The following PTCH1 variants were observed in gnomAD, a reference collection of about 807,000 sequenced individuals.
PTCH1 encodes the protein patched 1, also known as protein patched homolog 1.
A neutral mutation model predicts 144.6 loss-of-function variants in PTCH1; 14 were observed. The ratio of observed to expected loss-of-function variants is 0.10; its 90% CI spans 0.06 to 0.15. The LOEUF (loss-of-function observed/expected upper bound fraction) is 0.15, where lower values mean the gene tolerates loss of function less well. PTCH1 is among the 10% of genes least tolerant of loss of function. The pLI is 1.00. For synonymous variants in PTCH1, 833 were observed against 793.6 expected (o/e 1.05, Z -0.83); for missense variants, 1,623 against 1,948.3 (o/e 0.83, Z 3.14).
At chr9:95,457,160 G>A (rs1229984486) in intron 18 of PTCH1, among the ~76,000 whole-genome samples, 1 of 151,630 alleles carries the variant, frequency 6.6e-6, no homozygotes, top group South Asian at 2.1e-4. Context: ...GGAGTTTCTT[G>A]GTCCAAAGCG....
intron 2 of PTCH1, among the ~76,000 whole-genome samples, chr9:95,487,746 T>C (rs1332046936): frequency 6.6e-6 from 1 of 152,214 alleles, no homozygotes; most frequent in Non-Finnish European, 1.5e-5. Context: ...TGTTACTGCC[T>C]CCTCGAACAT....
intron 12 of PTCH1, among the ~76,000 whole-genome samples, chr9:95,472,468 T>G (rs939937241): frequency 3.9e-5 from 6 of 152,152 alleles, no homozygotes; most frequent in African/African-American, 1.4e-4. Flanking sequence ...CAGGTAGGAT[T>G]CTAACGGAGA....
Position 95,508,544 on chromosome 9 carries a change from G to A in PTCH1, c.-183C>T, listed in dbSNP as rs1843939254. ...CAGCCGCTGCTGCTGCTCACACGGC[G>A]GGCGCTGCTGCCGCTGCGGCCGCGG... On this transcript the variant is annotated 5_prime_UTR_variant, in exon 1 of 24. Transcript: ENST00000331920. 2.0e-6 allele frequency: 2 copies of A among 1,009,232 alleles called. No individual in the cohort carries two copies. Among genetic ancestry groups the A allele is most frequent in the Non-Finnish European group, 2.4e-6 (2 of 845,588 alleles). The allele number at this position is 1,009,232 out of a possible 1,614,324, so 62.5% of individuals were successfully genotyped here.
At chr9:95,471,441 T>A (rs1840573473) in intron 12 of PTCH1, among the ~76,000 whole-genome samples, 1 of 152,238 alleles carries the variant, frequency 6.6e-6, no homozygotes, top group South Asian at 2.1e-4. Context: ...CTAATGTATT[T>A]AAGACCTGTC....
chr9:95,506,799 C>A, intron 1 of PTCH1, 200 bp from the exon 2 acceptor site: 1 of 1,103,762 alleles, frequency 9.1e-7, no homozygotes, highest in Non-Finnish European at 1.1e-6. Context: ...CGGGCCGCAG[C>A]GTGGGAGCTG....
intron 2 of PTCH1, among the ~76,000 whole-genome samples, chr9:95,501,571 C>G (rs1449167003): frequency 1.3e-5 from 2 of 151,710 alleles, no homozygotes; most frequent in Admixed American, 6.6e-5. Flanking sequence ...TCACAACTTG[C>G]CTCCTTCTTC....
At chr9:95,508,101 G>A (rs1379275520) in intron 1 of PTCH1, 60 bp downstream of exon 1, 1 of 1,602,918 alleles carries the variant, frequency 6.2e-7, no homozygotes, top group Non-Finnish European at 8.5e-7. Flanking sequence ...GTGTGGCGGG[G>A]GCGATCCCAA....
At chr9:95,460,622 A>C (rs1564022865) in intron 16 of PTCH1, among the ~76,000 whole-genome samples, 1 of 152,116 alleles carries the variant, frequency 6.6e-6, no homozygotes, top group African/African-American at 2.4e-5. Context: ...GAGTGAGAGA[A>C]CTGGATTTCG....
rs1837811883 is a variant in PTCH1 at position 95,445,546 on chromosome 9, T to C, written c.*847A>G. ...AATTGGGGTCCTGGATGGCAGCCAA[T>C]GATCATAAGAGATGCCGTAGACACG... On this transcript the variant is annotated 3_prime_UTR_variant, in exon 24 of 24. Transcript: ENST00000331920. 1 of 152,156 alleles carries C rather than the reference T, an allele frequency of 6.6e-6. No homozygotes were observed. 9.4% of individuals were successfully genotyped at this position (152,156 alleles called of 1,614,324 possible).
chr9:95,460,461 T>C (rs765793255), intron 16 of PTCH1, among the ~76,000 whole-genome samples: 1 of 152,114 alleles, frequency 6.6e-6, no homozygotes, highest in Non-Finnish European at 1.5e-5. Context: ...TCAGTATGTG[T>C]TTGTACGTTT....
In PTCH1 at chr9:95,470,532, C is replaced by CG. The variant is rs1169529126; in HGVS notation, c.1729-602dup. 2.0e-5 allele frequency among the ~76,000 whole-genome samples: 3 copies of CG among 152,156 alleles called. No homozygotes were observed. In the East Asian group the frequency reaches 5.8e-4, roughly 29 times the overall value. On this transcript the variant is annotated intron_variant, in intron 12 of 23. Coordinates refer to ENST00000331920, the MANE Select transcript of PTCH1 (RefSeq NM_000264.5). Reference sequence around the variant, plus strand: ...GAAATTCCTGTGTGTGATTATAGTACGCAGAATAAATAAGTACAGATTCAA... The same window carrying CG: ...GAAATTCCTGTGTGTGATTATAGTACGGCAGAATAAATAAGTACAGATTCAA...
In PTCH1 at chr9:95,449,402, T is replaced by C. The variant is rs534327372; in HGVS notation, c.3550-79A>G. ...ACACTCAAAGCTCAAAGCACGGTAT[T>C]TTTCAGGGGCCTCTGTTCCCTGCCC... On this transcript the variant is annotated intron_variant, in intron 21 of 23. Coordinates refer to ENST00000331920, the MANE Select transcript of PTCH1 (RefSeq NM_000264.5). This position sits in a 1 kb window ranked among gnomAD's most constrained non-coding sequence, Gnocchi z 5.3. 2.0e-6 allele frequency: 3 copies of C among 1,527,688 alleles called. No individual in the cohort carries two copies. Among genetic ancestry groups the C allele is most frequent in the African/African-American group, 2.7e-5 (2 of 72,936 alleles). The allele number at this position is 1,527,688 out of a possible 1,614,324, so 94.6% of individuals were successfully genotyped here.
chr9:95,450,326 C>G (rs2282043), intron 20 of PTCH1: 2 of 313,010 alleles, frequency 6.4e-6, no homozygotes, highest in South Asian at 5.9e-5. Flanking sequence ...GGGCCCCGCT[C>G]GTGAAAACCC....
Position 95,516,857 on chromosome 9 carries a change from G to A in PTCH1, c.-386C>T, listed in dbSNP as rs540419751. ...TGGGTGGTCTGCCGCGCCATAGGCA[G>A]GACCTGTCAGGGTCACGTGACGGAT... On this transcript the variant is annotated 5_prime_UTR_variant, in exon 1 of 23. Coordinates refer to the PTCH1 transcript ENST00000430669. 27 of 1,543,028 alleles carry A rather than the reference G, an allele frequency of 1.7e-5. No homozygotes were observed. The Admixed American group carries it at 2.8e-4, about 16-fold the overall frequency.
chr9:95,475,897 A>T, intron 12 of PTCH1, 137 bp downstream of exon 12: 1 of 1,382,680 alleles, frequency 7.2e-7, no homozygotes, highest in Non-Finnish European at 1.0e-6. Context: ...CCACCCAGTT[A>T]AACAGAGCCT....
At position 95,506,397 on chromosome 9, in the gene PTCH1, G is replaced by A. The variant is rs755119764; in HGVS notation, c.394+10C>T. Reference sequence around the variant, plus strand: ...GCCGGGGGCGCGGGCGCCGCGGCGGGCGCTCTTACCTTCCACCCACAGCTC... The same window carrying A: ...GCCGGGGGCGCGGGCGCCGCGGCGGACGCTCTTACCTTCCACCCACAGCTC... On this transcript the variant is annotated intron_variant, in intron 2 of 23. Transcript: ENST00000331920. 1 of 1,607,988 alleles carries A rather than the reference G, an allele frequency of 6.2e-7. No homozygotes were observed. The highest frequency in any genetic ancestry group is 8.5e-7 in the Non-Finnish European group (1 of 1,178,124).
intron 1 of PTCH1, chr9:95,514,462 C>A (rs1285526599): frequency 6.6e-6 from 1 of 152,152 alleles, no homozygotes; most frequent in Non-Finnish European, 1.5e-5. Context: ...GCTGGAGCAA[C>A]AAATTTATCA....
At chr9:95,450,363 G>A in intron 20 of PTCH1, 12 of 271,740 alleles carry the variant, frequency 4.4e-5, no homozygotes, top group South Asian at 1.2e-4. Context: ...TGAAGTGAAG[G>A]GTGTAGAATT....
At chr9:95,448,343 G>A (rs992168570) in intron 22 of PTCH1, among the ~76,000 whole-genome samples, 10 of 152,210 alleles carry the variant, frequency 6.6e-5, no homozygotes, top group African/African-American at 1.7e-4. Flanking sequence ...AGGGACAGCA[G>A]GGGGCCCTCA....
Sources: allele counts gnomAD v4.1 joint callset (sites outside exome capture counted in the v4.1 genomes callset), GRCh38; gene constraint gnomAD v4.1.1; non-coding constraint Gnocchi (gnomAD v3.1); transcripts MANE v1.5; gene names NCBI Gene and HGNC (gene_info 2026-07-23, HGNC 2026-07-21).